Variants in NRG1 observed in about 807,000 individuals in gnomAD.
The protein encoded by NRG1 is pro-neuregulin-1, membrane-bound isoform.
In NRG1, 18 loss-of-function variants were observed where a neutral mutation model predicts 63.8. The ratio of observed to expected loss-of-function variants is 0.28; its 90% confidence interval spans 0.19 to 0.42. NRG1 has a LOEUF of 0.42. Ranked by LOEUF, NRG1 falls within the 10% of genes least tolerant of loss-of-function variation. NRG1 has a pLI of 1.00. For synonymous variants in NRG1, 302 were observed against 301.3 expected (o/e 1.00, Z -0.02); for missense variants, 762 against 814.7 (o/e 0.94, Z 0.79).
At chr8:32,763,484 T>C in intron 11 of NRG1, 1 of 1,191,058 alleles carries the variant, frequency 8.4e-7, no homozygotes, top group East Asian at 2.4e-5. Context: ...TTTATAATTG[T>C]GATGAGATTG....
At chr8:32,206,312 T>G (rs1586081025) in intron 1 of NRG1, among the ~76,000 whole-genome samples, 1 of 152,042 alleles carries the variant, frequency 6.6e-6, no homozygotes, top group Non-Finnish European at 1.5e-5. Context: ...ATGGCTCTCG[T>G]GAAGCATTCC....
Position 31,709,853 on chromosome 8 carries a change from G to A in NRG1, c.37+70422G>A, listed in dbSNP as rs115357664. Among the ~76,000 whole-genome samples, 351 of 151,336 alleles carry A rather than the reference G, an allele frequency of 2.3e-3. 3 individuals carry two copies. The highest frequency in any genetic ancestry group is 8.1e-3 in the African/African-American group (334 of 41,338). On this transcript the variant is annotated intron_variant, in intron 1 of 10. Coordinates refer to the NRG1 transcript ENST00000519301. Reference sequence around the variant, plus strand: ...ATATTTCCTTGAATAGTTTAGCTGTGCTTCATACATTAAATATTTTTCTTA... The same window carrying A: ...ATATTTCCTTGAATAGTTTAGCTGTACTTCATACATTAAATATTTTTCTTA...
intron 1 of NRG1, among the ~76,000 whole-genome samples, chr8:31,995,474 T>C (rs1162326366): frequency 6.6e-6 from 1 of 151,952 alleles, no homozygotes; most frequent in Non-Finnish European, 1.5e-5. Context: ...AATAGGCTGT[T>C]TTCCTGGGAT....
chr8:31,913,227 T>C (rs1833092620), intron 1 of NRG1, among the ~76,000 whole-genome samples: 2 of 152,196 alleles, frequency 1.3e-5, no homozygotes. Flanking sequence ...CAATATCCAC[T>C]CCTTAGAAAG....
At chr8:31,753,556 T>C (rs78081646) in intron 1 of NRG1, among the ~76,000 whole-genome samples, 1 of 152,122 alleles carries the variant, frequency 6.6e-6, no homozygotes, top group Admixed American at 6.6e-5. Flanking sequence ...ACTTGTCTTC[T>C]ATTATTAAAT....
intron 1 of NRG1, among the ~76,000 whole-genome samples, chr8:31,897,619 T>G (rs979882621): frequency 1.3e-5 from 2 of 152,160 alleles, no homozygotes; most frequent in Non-Finnish European, 2.9e-5. Context: ...TTCTGCATAA[T>G]GGGAACCCTG....
At chr8:32,270,700 CA>C (rs2129472388) in intron 1 of NRG1, among the ~76,000 whole-genome samples, 1 of 152,304 alleles carries the variant, frequency 6.6e-6, no homozygotes, top group African/African-American at 2.4e-5. Context: ...AGGTGATTTG[CA>C]CAGGCTCATA....
intron 1 of NRG1, among the ~76,000 whole-genome samples, chr8:32,505,109 A>G (rs1005775269): frequency 1.3e-5 from 2 of 152,136 alleles, no homozygotes; most frequent in Non-Finnish European, 2.9e-5. Flanking sequence ...GTTGCTGCGT[A>G]TCATTGTTGT....
chr8:32,549,797 A>C (rs904723683), intron 1 of NRG1, among the ~76,000 whole-genome samples: 2 of 152,238 alleles, frequency 1.3e-5, no homozygotes, highest in African/African-American at 2.4e-5. Flanking sequence ...ATACTTGTTT[A>C]TGAGTGATTG....
intron 1 of NRG1, among the ~76,000 whole-genome samples, chr8:31,944,491 G>A (rs1381012059): frequency 1.3e-5 from 2 of 152,182 alleles, no homozygotes; most frequent in African/African-American, 2.4e-5. Flanking sequence ...AACTTTCCAA[G>A]TTAGTGCTGC....
chr8:32,411,894 C>A (rs62500166), intron 1 of NRG1, among the ~76,000 whole-genome samples: 39,383 of 152,082 alleles, frequency 0.26, 5,397 homozygotes, highest in Middle Eastern at 0.35. Context: ...GTAAGTTGAA[C>A]TGTCATAAGT....
At chr8:32,215,503 T>G (rs566919466) in intron 1 of NRG1, among the ~76,000 whole-genome samples, 1 of 152,254 alleles carries the variant, frequency 6.6e-6, no homozygotes, top group Admixed American at 6.5e-5. Flanking sequence ...ATACTTCATC[T>G]CACTAATCCT....
chr8:31,722,383 A>T (rs1249939638), intron 1 of NRG1, among the ~76,000 whole-genome samples: 2 of 151,950 alleles, frequency 1.3e-5, no homozygotes, highest in Non-Finnish European at 2.9e-5. Context: ...CTGTTCTCTT[A>T]TAGGCTTGGA....
chr8:31,759,524 A>G (rs1240739161), intron 1 of NRG1, among the ~76,000 whole-genome samples: 1 of 152,082 alleles, frequency 6.6e-6, no homozygotes, highest in Non-Finnish European at 1.5e-5. Context: ...GGTGCCTTTT[A>G]CAAAAGCCAT....
chr8:31,972,435 T>C (rs770448749), intron 1 of NRG1, among the ~76,000 whole-genome samples: 1 of 152,204 alleles, frequency 6.6e-6, no homozygotes, highest in African/African-American at 2.4e-5. Flanking sequence ...TGTTACTAAC[T>C]GGAACTGTAT....
chr8:31,783,399 A>G (rs1819877488), intron 1 of NRG1, among the ~76,000 whole-genome samples: 1 of 152,122 alleles, frequency 6.6e-6, no homozygotes, highest in Non-Finnish European at 1.5e-5. Flanking sequence ...AAGTATTTAA[A>G]TGCTTGGAAC....
chr8:32,046,503 A>G (rs182634097), intron 1 of NRG1, among the ~76,000 whole-genome samples: 47 of 152,256 alleles, frequency 3.1e-4, no homozygotes, highest in Middle Eastern at 6.8e-3. Flanking sequence ...GTGAATATTT[A>G]TAGTAGCTTT....
chr8:31,945,174 T>A (rs528478435), intron 1 of NRG1, among the ~76,000 whole-genome samples: 2 of 152,330 alleles, frequency 1.3e-5, no homozygotes, highest in Admixed American at 6.5e-5. Flanking sequence ...GGATTCCCCA[T>A]AACAATTTCT....
chr8:32,526,244 G>A (rs1830827389), intron 1 of NRG1, among the ~76,000 whole-genome samples: 1 of 152,142 alleles, frequency 6.6e-6, no homozygotes, highest in Non-Finnish European at 1.5e-5. Flanking sequence ...TTACAGGCAG[G>A]TTTTAGTTCC....
Sources: gnomAD v4.1 joint callset for allele counts (sites outside exome capture counted in the v4.1 genomes callset) on GRCh38, gnomAD v4.1.1 for gene constraint, MANE v1.5 for transcripts, NCBI Gene and HGNC (gene_info 2026-07-23, HGNC 2026-07-21) for gene names.